Variants in CBR4 observed in about 807,000 individuals in gnomAD.
CBR4 encodes the protein 3-oxoacyl-[acyl-carrier-protein] reductase.
CBR4 carries 22 observed loss-of-function variants against 21.0 expected under a neutral mutation model. That is an observed-to-expected ratio of 1.05 (90% CI 0.75 to 1.50). The LOEUF is 1.50. Among genes scored for constraint, CBR4 ranks in the 40% most tolerant of loss-of-function variants. The probability of loss-of-function intolerance (pLI) is 0.00; values close to 1 mark genes in which losing one functional copy is unlikely to be tolerated. For missense variants in CBR4, 302 were observed against 286.3 expected (o/e 1.05, Z -0.40); for synonymous variants, 100 against 104.4 (o/e 0.96, Z 0.26).
Position 169,002,066 on chromosome 4 carries a change from C to G in CBR4, c.535+5G>C, listed in dbSNP as rs781228907. ...TCAAGTTATTTTAATAAAGTTTTCA[C>G]TAACCTGGTGCAACTACATTCACTC... On this transcript the variant is annotated splice_donor_5th_base_variant and intron_variant, in intron 4 of 4. Coordinates refer to ENST00000306193, the MANE Select transcript of CBR4 (RefSeq NM_032783.5). 3.2e-6 allele frequency: 5 copies of G among 1,561,152 alleles called. No individual in the cohort carries two copies. The African/African-American group carries it at 6.9e-5, about 22-fold the overall frequency.
At chr4:168,984,732 G>A (rs1483904484), downstream of CBR4, among the ~76,000 whole-genome samples, 1 of 152,124 alleles carries the variant, frequency 6.6e-6, no homozygotes, top group Non-Finnish European at 1.5e-5. Context: ...CAATGGAATA[G>A]GTTAGAGAAT....
chr4:168,987,825 A>G lies in CBR4; in HGVS notation c.*2325T>C. On this transcript the variant is annotated 3_prime_UTR_variant, in exon 5 of 5. Coordinates refer to ENST00000306193, the MANE Select transcript of CBR4 (RefSeq NM_032783.5). ...TTATTCCCCCCAAAACTAATTTATA[A>G]CATATAATTATCTCCCTAAAAAGCA... 1.0e-6 allele frequency: 1 copy of G among 976,922 alleles called. No individual in the cohort carries two copies. The highest frequency in any genetic ancestry group is 1.2e-6 in the Non-Finnish European group (1 of 822,158). 60.5% of individuals were successfully genotyped at this position (976,922 alleles called of 1,614,324 possible). A position where few individuals can be genotyped will look rare whatever the true frequency, so the allele number is the denominator to read the frequency against.
chr4:168,987,760 AT>A lies in CBR4; in HGVS notation c.*2389del. On this transcript the variant is annotated 3_prime_UTR_variant, in exon 5 of 5. Coordinates refer to ENST00000306193, the MANE Select transcript of CBR4 (RefSeq NM_032783.5). ...GCGTAGTCTTCTCTCTTTATTCTGAATAACAGAAGCACGTAAATTAAATTAT... is the reference window on the plus strand; with the variant it reads ...GCGTAGTCTTCTCTCTTTATTCTGAAAACAGAAGCACGTAAATTAAATTAT... The A allele has an allele frequency of 1.0e-6, 1 of 985,112 alleles. No homozygotes were observed. Among genetic ancestry groups the A allele is most frequent in the Non-Finnish European group, 1.2e-6 (1 of 829,628 alleles). The allele number at this position is 985,112 out of a possible 1,614,324, so 61.0% of individuals were successfully genotyped here. A position where few individuals can be genotyped will look rare whatever the true frequency, so the allele number is the denominator to read the frequency against.
chr4:168,993,720 T>C (rs900493327), intron 4 of CBR4, among the ~76,000 whole-genome samples: 2 of 152,178 alleles, frequency 1.3e-5, no homozygotes, highest in African/African-American at 2.4e-5. Flanking sequence ...TCACAAACTG[T>C]CAGCATAAAA....
intron 2 of CBR4, chr4:168,915,807 C>A (rs374118116): frequency 1.0e-6 from 1 of 972,516 alleles, no homozygotes; most frequent in South Asian, 1.3e-5. Context: ...TATTATTACC[C>A]CATGTATTTT....
At chr4:169,005,522 A>G (rs774849182) in intron 3 of CBR4, among the ~76,000 whole-genome samples, 1 of 152,220 alleles carries the variant, frequency 6.6e-6, no homozygotes, top group Non-Finnish European at 1.5e-5. Context: ...GCTCAATTCT[A>G]AAAGTTTTGC....
At chr4:168,977,158 C>T (rs1019909043) in intron 2 of CBR4, among the ~76,000 whole-genome samples, 2 of 151,884 alleles carry the variant, frequency 1.3e-5, no homozygotes, top group Admixed American at 6.6e-5. Flanking sequence ...CTGTTCTGTC[C>T]ATCTAAGCGG....
chr4:168,897,582 G>A (rs1755489073), intron 2 of CBR4, among the ~76,000 whole-genome samples: 1 of 152,202 alleles, frequency 6.6e-6, no homozygotes, highest in African/African-American at 2.4e-5. Flanking sequence ...AAGTAGCTGG[G>A]ACAACAGGCA....
intron 2 of CBR4, among the ~76,000 whole-genome samples, chr4:168,920,458 G>A (rs916877549): frequency 5.9e-5 from 9 of 152,184 alleles, no homozygotes; most frequent in African/African-American, 2.2e-4. Flanking sequence ...CTGTTTTACA[G>A]TCTAAGTGAC....
chr4:168,994,237 T>C (rs367833703), intron 4 of CBR4, among the ~76,000 whole-genome samples: 3 of 152,238 alleles, frequency 2.0e-5, no homozygotes, highest in Non-Finnish European at 4.4e-5. Flanking sequence ...TGGCTAGTTA[T>C]CAGCAGCAGG....
chr4:169,005,963 A>T, intron 3 of CBR4: 1 of 1,156,426 alleles, frequency 8.6e-7, no homozygotes, highest in Non-Finnish European at 1.1e-6. Context: ...GTATACTATT[A>T]TTTCCAAATT....
chr4:168,920,538 C>T (rs1054333369), intron 2 of CBR4, among the ~76,000 whole-genome samples: 3 of 152,138 alleles, frequency 2.0e-5, no homozygotes, highest in African/African-American at 7.2e-5. Context: ...CTTAACAGTG[C>T]ATTTCTTCCA....
At chr4:169,002,226 A>G in intron 3 of CBR4, 21 bp from the exon 4 acceptor site, 2 of 1,404,512 alleles carry the variant, frequency 1.4e-6, no homozygotes, top group Non-Finnish European at 9.4e-7. Context: ...AAAAAAAAAA[A>G]AAAAAAAAAA....
intron 2 of CBR4, among the ~76,000 whole-genome samples, chr4:168,976,690 TCATACGAAGTA>T (rs1249600505): frequency 6.6e-6 from 1 of 152,136 alleles, no homozygotes; most frequent in Non-Finnish European, 1.5e-5. Context: ...GGAGGGTGTA[TCATACGAAGTA>T]CATTCACAAG....
chr4:168,933,280 G>A (rs972726472), intron 2 of CBR4, among the ~76,000 whole-genome samples: 2 of 152,014 alleles, frequency 1.3e-5, no homozygotes, highest in Non-Finnish European at 2.9e-5. Context: ...CACCTCACCT[G>A]TAAAAGACAC....
chr4:168,952,530 T>G (rs776929273), intron 2 of CBR4, among the ~76,000 whole-genome samples: 1 of 152,210 alleles, frequency 6.6e-6, no homozygotes, highest in Non-Finnish European at 1.5e-5. Flanking sequence ...TCTAGTTGCT[T>G]CCCATTTGGG....
rs556438570 is a variant in CBR4, at chr4:168,903,473, A to T, written n.170-8708T>A. Among the ~76,000 whole-genome samples, 5 of 152,334 alleles carry T rather than the reference A, an allele frequency of 3.3e-5. No homozygotes were observed. In the South Asian group the frequency reaches 1.0e-3, roughly 32 times the overall value. ...GTAATGCCACTTCATAGAAATAATC[A>T]TTGCCAAAATTCAATATATCCCTTC... On this transcript the variant is annotated intron_variant and non_coding_transcript_variant, in intron 2 of 3. Transcript: ENST00000509108.
exon 3 of CBR4, chr4:168,894,689 C>T (rs1754741780): frequency 1.2e-6 from 2 of 1,611,540 alleles, no homozygotes; most frequent in South Asian, 1.1e-5. Flanking sequence ...TACCATGTTG[C>T]TCTGGACTTC....
downstream of CBR4, among the ~76,000 whole-genome samples, chr4:168,986,436 A>G (rs577592245): frequency 3.3e-5 from 5 of 152,268 alleles, no homozygotes; most frequent in South Asian, 1.0e-3. Context: ...AGAGCTTCTC[A>G]TTTTTATAAT....
Sources: gnomAD v4.1 joint callset for allele counts (sites outside exome capture counted in the v4.1 genomes callset) on GRCh38, gnomAD v4.1.1 for gene constraint, MANE v1.5 for transcripts, NCBI Gene and HGNC (gene_info 2026-07-23, HGNC 2026-07-21) for gene names.